Variants in NDRG1 observed in about 807,000 individuals in gnomAD.
NDRG1 encodes N-myc downstream regulated 1, also known as protein NDRG1.
A neutral mutation model predicts 56.9 loss-of-function variants in NDRG1; 32 were observed. The observed-to-expected ratio is 0.56, with a 90% CI of 0.42 to 0.76. The LOEUF (loss-of-function observed/expected upper bound fraction) is 0.76. Among genes scored for constraint, NDRG1 ranks in the 30% least tolerant of loss-of-function variants. The pLI, the probability that NDRG1 is intolerant of heterozygous loss-of-function variation, is 0.00. For synonymous variants in NDRG1, 211 were observed against 204.1 expected (o/e 1.03, Z -0.29); for missense variants, 507 against 545.7 (o/e 0.93, Z 0.71).
intron 7 of NDRG1, among the ~76,000 whole-genome samples, chr8:133,258,011 G>C (rs1294281048): frequency 6.6e-6 from 1 of 152,154 alleles, no homozygotes; most frequent in African/African-American, 2.4e-5. Flanking sequence ...TCTGATTCTA[G>C]TTTAGAATCA....
intron 10 of NDRG1, 68 bp downstream of exon 10, chr8:133,250,351 TATACTCTCCCTCTCATCTGTC>T: frequency 8.3e-7 from 1 of 1,204,854 alleles, no homozygotes. Flanking sequence ...CCGCTCATTT[TATACTCTCCCTCTCATCTGTC>T]CCACATTTCG....
chr8:133,264,495 G>A (rs370350124), intron 4 of NDRG1, 52 bp downstream of exon 4: 22 of 1,559,220 alleles, frequency 1.4e-5, no homozygotes, highest in East Asian at 6.7e-5. Context: ...GCCTTTTTCC[G>A]CCACTCTCTT....
At chr8:133,280,785 A>G (rs1022535373) in intron 2 of NDRG1, among the ~76,000 whole-genome samples, 10 of 152,248 alleles carry the variant, frequency 6.6e-5, no homozygotes, top group Non-Finnish European at 1.0e-4. Flanking sequence ...AAGCAGACAC[A>G]TTAACTGGAC....
rs1400475203 is a variant in NDRG1, at chr8:133,276,264, CTG to C, written c.99+3966_99+3967del. ...CCTTCCCTGGGAGTAGGTCAGTTGC[CTG>C]TGTCCTGAGATGGGAGAATGTAAAA... On this transcript the variant is annotated intron_variant, in intron 3 of 15. Transcript: ENST00000323851. Among the ~76,000 whole-genome samples, 5 of 152,196 alleles carry C rather than the reference CTG, an allele frequency of 3.3e-5. No homozygotes were observed. In the East Asian group the frequency reaches 9.6e-4, roughly 29 times the overall value.
Position 133,248,786 on chromosome 8 carries a change from T to C in NDRG1, c.699-15A>G. The C allele has an allele frequency of 6.2e-7, 1 of 1,614,058 alleles. No homozygotes were observed. The highest frequency in any genetic ancestry group is 2.2e-5 in the East Asian group (1 of 44,864). On this transcript the variant is annotated splice_polypyrimidine_tract_variant and intron_variant, in intron 10 of 15. Transcript: ENST00000323851. ...GGTCGCGCCGGCTGCAGGAAACAAA[T>C]GCATCATTAGCATGAGGACCCCTCC...
At chr8:133,295,023 G>A (rs527952980) in intron 1 of NDRG1, among the ~76,000 whole-genome samples, 1 of 152,282 alleles carries the variant, frequency 6.6e-6, no homozygotes, top group South Asian at 2.1e-4. Flanking sequence ...ATGGAAAGAA[G>A]TTGGACTAGG....
intron 3 of NDRG1, among the ~76,000 whole-genome samples, chr8:133,268,863 T>TCACACACACACA (rs10569573): frequency 4.0e-5 from 6 of 149,456 alleles, no homozygotes; most frequent in Non-Finnish European, 8.9e-5. Flanking sequence ...ATCCCCTAAG[T>TCACACACACACA]CACACACACA....
rs995805950 is a variant in NDRG1, at chr8:133,238,651, G to C, written c.*227C>G. 1.8e-5 allele frequency: 11 copies of C among 595,204 alleles called. No homozygotes were observed. The highest frequency in any genetic ancestry group is 3.2e-5 in the Non-Finnish European group (11 of 339,602). 36.9% of individuals were successfully genotyped at this position (595,204 alleles called of 1,614,324 possible). On this transcript the variant is annotated 3_prime_UTR_variant, in exon 16 of 16. Coordinates refer to ENST00000323851, the MANE Select transcript of NDRG1 (RefSeq NM_006096.4). The stretch of plus-strand genomic sequence containing the variant: ...GCCACTGGTTAATGGAAGAGGATGC[G>C]ATGCGGAGATGCTTGCTTCCTTCCT...
intron 15 of NDRG1, chr8:133,241,677 C>CT: frequency 2.5e-6 from 1 of 404,122 alleles, no homozygotes; most frequent in Admixed American, 4.0e-5. Context: ...ATCACTGTAG[C>CT]TAGTGGTCTC....
At chr8:133,293,364 T>A (rs971988707) in intron 1 of NDRG1, among the ~76,000 whole-genome samples, 2 of 152,044 alleles carry the variant, frequency 1.3e-5, no homozygotes, top group Admixed American at 6.6e-5. Context: ...TCTCAAAAGG[T>A]GGGCCCAGAG....
chr8:133,280,842 C>G (rs2130787038), intron 2 of NDRG1: 1 of 154,498 alleles, frequency 6.5e-6, no homozygotes, highest in South Asian at 2.0e-4. Context: ...AAGGTCTAAG[C>G]TGATCACAAG....
chr8:133,265,704 A>C (rs1856884595), intron 3 of NDRG1, among the ~76,000 whole-genome samples: 1 of 152,070 alleles, frequency 6.6e-6, no homozygotes, highest in Admixed American at 6.5e-5. Context: ...GAAAACAAAA[A>C]AAAAAGGCAC....
At chr8:133,261,872 G>A (rs1278840193) in intron 5 of NDRG1, among the ~76,000 whole-genome samples, 175 bp downstream of exon 5, 2 of 152,250 alleles carry the variant, frequency 1.3e-5, no homozygotes, top group African/African-American at 4.8e-5. Context: ...CTTAAAAATA[G>A]TGAAAGTGCT....
chr8:133,274,325 C>CA (rs1857346421), intron 3 of NDRG1, among the ~76,000 whole-genome samples: 1 of 152,138 alleles, frequency 6.6e-6, no homozygotes, highest in Non-Finnish European at 1.5e-5. Context: ...ATTTAAAAAA[C>CA]AAAAACAATA....
chr8:133,284,707 C>A (rs1353164104), intron 1 of NDRG1: 5 of 458,018 alleles, frequency 1.1e-5, no homozygotes, highest in Non-Finnish European at 2.2e-5. Context: ...CAAAGTCAGG[C>A]AGCCCCCGTG....
chr8:133,249,021 GCTTT>G (rs1855861903), intron 10 of NDRG1, among the ~76,000 whole-genome samples: 7 of 152,156 alleles, frequency 4.6e-5, no homozygotes, highest in Admixed American at 4.6e-4. Flanking sequence ...TATTTGTGGG[GCTTT>G]TTTTTCCAGG....
intron 3 of NDRG1, among the ~76,000 whole-genome samples, chr8:133,266,797 G>A (rs1433064660): frequency 6.6e-6 from 1 of 152,238 alleles, no homozygotes; most frequent in Non-Finnish European, 1.5e-5. Context: ...AGTGGGGGCA[G>A]TGGAAATGGC....
In NDRG1 at chr8:133,250,468, G is replaced by T; in HGVS notation, c.670C>A (p.Leu224Met). 3 of 1,614,136 alleles carry T rather than the reference G, an allele frequency of 1.9e-6. No homozygotes were observed. The Middle Eastern group carries it at 4.9e-4, about 266-fold the overall frequency. The change falls in exon 10 of 16, where the codon CTG becomes ATG. Residue 224 changes from leucine (L) to methionine (M), a missense_variant. By Grantham distance (15) the Leu-to-Met change is conservative (BLOSUM62 2). Coordinates refer to ENST00000323851, the MANE Select transcript of NDRG1 (RefSeq NM_006096.4). The part of the protein sequence containing the change: ...HIVNDMNPGN[L>M]HLFINAYNSR... Reference sequence around the variant, plus strand: ...TTGTAGGCATTGATGAACAGGTGCAGGTTGCCGGGGTTCATGTCATTCACA... The same window carrying T: ...TTGTAGGCATTGATGAACAGGTGCATGTTGCCGGGGTTCATGTCATTCACA...
At chr8:133,262,667 C>T (rs993355815) in intron 4 of NDRG1, among the ~76,000 whole-genome samples, 103 of 152,312 alleles carry the variant, frequency 6.8e-4, no homozygotes, top group African/African-American at 2.4e-3. Context: ...CTAAGGAAGT[C>T]GGGCTGCTCA....
Sources: gnomAD v4.1 joint callset for allele counts (sites outside exome capture counted in the v4.1 genomes callset) on GRCh38, gnomAD v4.1.1 for gene constraint, MANE v1.5 for transcripts, NCBI Gene and HGNC (gene_info 2026-07-23, HGNC 2026-07-21) for gene names.